Variants in GRIA1 observed in about 807,000 individuals in gnomAD.
The protein encoded by GRIA1 is glutamate receptor 1.
Under a neutral mutation model 99.2 loss-of-function variants are expected in GRIA1, and 31 were observed. The observed-to-expected ratio is 0.31, with a 90% confidence interval of 0.23 to 0.42. GRIA1 has a LOEUF of 0.42. Ranked by LOEUF, GRIA1 falls within the 10% of genes least tolerant of loss-of-function variation. The probability of loss-of-function intolerance (pLI) is 1.00; values close to 1 mark genes in which losing one functional copy is unlikely to be tolerated. For synonymous variants in GRIA1, 438 were observed against 432.4 expected, an observed-to-expected ratio of 1.01 and a Z score of -0.16; for missense variants, 782 against 1,157.5, an observed-to-expected ratio of 0.68 and a Z score of 4.71.
chr5:153,527,515 G>A (rs946442059), intron 2 of GRIA1, among the ~76,000 whole-genome samples: 1 of 152,170 alleles, frequency 6.6e-6, no homozygotes, highest in Admixed American at 6.5e-5. Flanking sequence ...CTTTTGGTGT[G>A]TCTGTGAGTG....
At position 153,647,295 on chromosome 5, in the gene GRIA1, G is replaced by T. The variant is rs1365113191; in HGVS notation, c.460+128G>T. 4.3e-6 allele frequency: 5 copies of T among 1,157,052 alleles called. No individual in the cohort carries two copies. The Admixed American group carries it at 7.1e-5, about 16-fold the overall frequency. 71.7% of individuals were successfully genotyped at this position (1,157,052 alleles called of 1,614,324 possible). A position where few individuals can be genotyped will look rare whatever the true frequency, so the allele number is the denominator to read the frequency against. On this transcript the variant is annotated intron_variant, in intron 3 of 15. Coordinates refer to ENST00000285900, the MANE Select transcript of GRIA1 (RefSeq NM_000827.4). ...ATTATCCAAAATGCTTTATTTCTGA[G>T]AAATCTGACTGATTTATCAGTAGCT...
chr5:153,496,181 C>T (rs1471260050), intron 2 of GRIA1, among the ~76,000 whole-genome samples: 1 of 152,196 alleles, frequency 6.6e-6, no homozygotes. Flanking sequence ...CAACCTAAGA[C>T]TTGATCTCTA....
chr5:153,643,535 C>T (rs1164567781), intron 2 of GRIA1, among the ~76,000 whole-genome samples: 1 of 152,182 alleles, frequency 6.6e-6, no homozygotes, highest in African/African-American at 2.4e-5. Context: ...GGCCTTGGGC[C>T]TATAGGGTCT....
chr5:153,587,272 A>C (rs549982735), intron 2 of GRIA1, among the ~76,000 whole-genome samples: 4 of 151,414 alleles, frequency 2.6e-5, no homozygotes, highest in South Asian at 4.2e-4. Flanking sequence ...ACCCTCTCTC[A>C]CTCTTGTTTT....
intron 2 of GRIA1, among the ~76,000 whole-genome samples, chr5:153,495,010 C>T (rs1351791109): frequency 6.6e-6 from 1 of 152,100 alleles, no homozygotes; most frequent in Admixed American, 6.6e-5. Flanking sequence ...ACCATATTTC[C>T]TTTGTGTCTT....
At chr5:153,781,913 G>C (rs1764659722) in intron 13 of GRIA1, among the ~76,000 whole-genome samples, 1 of 152,138 alleles carries the variant, frequency 6.6e-6, no homozygotes, top group South Asian at 2.1e-4. Flanking sequence ...ATCTAGAGCA[G>C]GGACCGCAAC....
At chr5:153,530,501 G>C (rs780113260) in intron 2 of GRIA1, among the ~76,000 whole-genome samples, 4 of 152,194 alleles carry the variant, frequency 2.6e-5, no homozygotes, top group African/African-American at 9.6e-5. Context: ...ATGAAAATGA[G>C]AAGCAGCTGT....
intron 2 of GRIA1, among the ~76,000 whole-genome samples, chr5:153,610,799 G>A (rs1343520023): frequency 6.6e-6 from 1 of 152,138 alleles, no homozygotes; most frequent in Non-Finnish European, 1.5e-5. Flanking sequence ...CTAGAACAGT[G>A]TCTGGCACAT....
chr5:153,519,261 CA>C (rs973399056), intron 2 of GRIA1, among the ~76,000 whole-genome samples: 5 of 149,364 alleles, frequency 3.3e-5, no homozygotes, highest in East Asian at 3.9e-4. Flanking sequence ...GACTCCATCT[CA>C]AAAAAAAAGG....
intron 15 of GRIA1, among the ~76,000 whole-genome samples, chr5:153,802,888 T>C (rs1474739116): frequency 2.0e-5 from 3 of 152,190 alleles, no homozygotes. Context: ...GCTGACCTTG[T>C]CATACCTGGT....
At chr5:153,494,552 A>C (rs2113194033) in intron 2 of GRIA1, among the ~76,000 whole-genome samples, 1 of 152,338 alleles carries the variant, frequency 6.6e-6, no homozygotes, top group Non-Finnish European at 1.5e-5. Flanking sequence ...AGTGACCAAT[A>C]ATTAAAACTT....
intron 2 of GRIA1, among the ~76,000 whole-genome samples, chr5:153,597,859 T>A (rs1304556229): frequency 1.5e-5 from 2 of 134,046 alleles, no homozygotes; most frequent in African/African-American, 2.5e-5. Flanking sequence ...AAAAAAAAAA[T>A]TAATTAGCCT....
chr5:153,490,754 G>A lies in GRIA1; in HGVS notation c.-135G>A. 1.3e-6 allele frequency: 1 copy of A among 753,796 alleles called. No homozygotes were observed. Among genetic ancestry groups the A allele is most frequent in the Admixed American group, 1.8e-5 (1 of 54,098 alleles). The allele number at this position is 753,796 out of a possible 1,614,324, so 46.7% of individuals were successfully genotyped here. A position where few individuals can be genotyped will look rare whatever the true frequency, so the allele number is the denominator to read the frequency against. On this transcript the variant is annotated 5_prime_UTR_variant, in exon 1 of 16. Transcript: ENST00000285900. ...AAACAGACAAACCTCACGAAAGGAA[G>A]GAAGCAAGCAAGCAAGGAAGGAACT... is the stretch of plus-strand genomic sequence containing the variant.
intron 11 of GRIA1, among the ~76,000 whole-genome samples, chr5:153,720,118 T>C (rs1379433584): frequency 5.3e-5 from 8 of 152,340 alleles, no homozygotes; most frequent in African/African-American, 1.9e-4. Flanking sequence ...ACATATAGTT[T>C]CTTATCTCAT....
intron 2 of GRIA1, among the ~76,000 whole-genome samples, chr5:153,507,828 C>T (rs1755685486): frequency 6.6e-6 from 1 of 152,182 alleles, no homozygotes; most frequent in African/African-American, 2.4e-5. Context: ...TGGGTCTCTG[C>T]CTGCCTTCCT....
At position 153,812,400 on chromosome 5, in the gene GRIA1, G is replaced by A. The variant is rs1446962747; in HGVS notation, c.*1175G>A. On this transcript the variant is annotated 3_prime_UTR_variant, in exon 16 of 16. Coordinates refer to ENST00000285900, the MANE Select transcript of GRIA1 (RefSeq NM_000827.4). ...CCCTATCCTAGGTTTAAGAAAACAC[G>A]TATGAAGTTTATGCTGATGCAAAGA... The A allele has an allele frequency of 4.6e-5, 7 of 152,292 alleles. No individual in the cohort carries two copies. Among genetic ancestry groups the A allele is most frequent in the African/African-American group, 1.4e-4 (6 of 41,562 alleles). The allele number at this position is 152,292 out of a possible 1,614,324, so 9.4% of individuals were successfully genotyped here.
chr5:153,784,354 T>C (rs1326509990), intron 13 of GRIA1, among the ~76,000 whole-genome samples: 11 of 152,164 alleles, frequency 7.2e-5, no homozygotes, highest in Admixed American at 3.3e-4. Flanking sequence ...GACTCTTTCC[T>C]CCACCCAGCA....
rs1764488611 is a variant in GRIA1 at position 153,779,385 on chromosome 5, A to G, written c.2270+8970A>G. Among the ~76,000 whole-genome samples, 3 of 152,086 alleles carry G rather than the reference A, an allele frequency of 2.0e-5. No individual in the cohort carries two copies. The South Asian group carries it at 6.2e-4, about 32-fold the overall frequency. On this transcript the variant is annotated intron_variant, in intron 13 of 15. Coordinates refer to ENST00000285900, the MANE Select transcript of GRIA1 (RefSeq NM_000827.4). The stretch of plus-strand genomic sequence containing the variant: ...ACTGCCTTAAAAGGTGGCATCCTCA[A>G]AACGTCCAGGGAAAACATCAGGGGA...
chr5:153,760,499 A>G (rs1037752934), intron 11 of GRIA1, among the ~76,000 whole-genome samples: 3 of 152,160 alleles, frequency 2.0e-5, no homozygotes, highest in African/African-American at 7.2e-5. Flanking sequence ...GGTAAAAACT[A>G]TAAAACATTG....
Sources: allele counts gnomAD v4.1 joint callset (sites outside exome capture counted in the v4.1 genomes callset), GRCh38; gene constraint gnomAD v4.1.1; transcripts MANE v1.5; gene names NCBI Gene and HGNC (gene_info 2026-07-23, HGNC 2026-07-21).